The following PCSK9 variants were observed in gnomAD, a reference collection of about 807,000 sequenced individuals.
PCSK9 encodes convertase subtilisin/kexin type 9 preproprotein.
Under a neutral mutation model 62.1 loss-of-function variants are expected in PCSK9, and 57 were observed. The observed-to-expected ratio is 0.92, with a 90% CI of 0.74 to 1.14. The LOEUF is 1.14. PCSK9 is among the 50% of genes most tolerant of loss of function. The pLI, the probability that PCSK9 is intolerant of heterozygous loss-of-function variation, is 0.00. For synonymous variants in PCSK9, 387 were observed against 409.4 expected (o/e 0.95, Z 0.66); for missense variants, 870 against 959.8 (o/e 0.91, Z 1.24).
rs373295327 is a variant in PCSK9, at chr1:55,039,889, C to T, written c.52C>T (p.Leu18=). The T allele has an allele frequency of 4.5e-6, 7 of 1,563,884 alleles. No homozygotes were observed. The African/African-American group carries it at 8.1e-5, about 18-fold the overall frequency. ...RSWWPLPLLL[L]LLLLLGPAGA... is the part of the protein sequence containing the mutation. ...CTGGTGGCCGCTGCCACTGCTGCTGCTGCTGCTGCTGCTCCTGGGTCCCGC... is the reference window on the plus strand; with the variant it reads ...CTGGTGGCCGCTGCCACTGCTGCTGTTGCTGCTGCTGCTCCTGGGTCCCGC... The change falls in exon 1 of 12, where the codon CTG becomes TTG. Residue 18 remains leucine, a synonymous_variant. Transcript: ENST00000302118.
Position 55,059,505 on chromosome 1 carries a change from T to C in PCSK9, c.1523T>C (p.Val508Ala), listed in dbSNP as rs1362591620. 1 of 1,565,982 alleles carries C rather than the reference T, an allele frequency of 6.4e-7. No homozygotes were observed. Among genetic ancestry groups the C allele is most frequent in the Non-Finnish European group, 8.7e-7 (1 of 1,154,194 alleles). The change falls in exon 10 of 12, where the codon GTC (valine) becomes GCC (alanine). Residue 508 changes from valine to alanine, a missense_variant. By Grantham distance (64) the Val-to-Ala change is moderately conservative. Transcript: ENST00000302118. Reference sequence around the variant, plus strand: ...TCTAAGGCCCAAGGGGGCAAGCTGGTCTGCCGGGCCCACAACGCTTTTGGG... The same window carrying C: ...TCTAAGGCCCAAGGGGGCAAGCTGGCCTGCCGGGCCCACAACGCTTTTGGG... Reference protein sequence around the residue: ...ERMEAQGGKLVCRAHNAFGGE... With the variant: ...ERMEAQGGKLACRAHNAFGGE...
Position 55,047,984 on chromosome 1 carries a change from C to T in PCSK9, c.523+1338C>T, listed in dbSNP as rs1429223739. 2.0e-5 allele frequency among the ~76,000 whole-genome samples: 3 copies of T among 152,214 alleles called. No individual in the cohort carries two copies. The East Asian group carries it at 5.8e-4, about 29-fold the overall frequency. On this transcript the variant is annotated intron_variant, in intron 3 of 11. Transcript: ENST00000302118. ...GGACACTGGCAGAGGATCACAGAGA[C>T]CCCAGTCCAGGCAGGGACTGAGAAG...
At chr1:55,055,947 G>A in intron 5 of PCSK9, 46 bp from the exon 6 acceptor site, 1 of 1,531,236 alleles carries the variant, frequency 6.5e-7, no homozygotes, top group Non-Finnish European at 8.9e-7. Flanking sequence ...GCTGGGAAAG[G>A]GGAGCAGGTC....
Position 55,039,842 on chromosome 1 carries a change from G to A in PCSK9, c.5G>A (p.Gly2Asp), listed in dbSNP as rs1018576699. The A allele has an allele frequency of 2.6e-6, 4 of 1,565,888 alleles. No homozygotes were observed. The South Asian group carries it at 3.5e-5, about 14-fold the overall frequency. Residue 2 changes from glycine to aspartate, a missense_variant, in exon 1 of 12, where the codon GGC becomes GAC. Gly to Asp is a moderately conservative substitution (Grantham distance 94). Transcript: ENST00000302118. ...GCAACCTCTCCCCTGGCCCTCATGG[G>A]CACCGTCAGCTCCAGGCGGTCCTGG... is the stretch of plus-strand genomic sequence containing the variant. M[G>D]TVSSRRSWWP...
At chr1:55,053,401 T>G (rs1225361096) in intron 5 of PCSK9, among the ~76,000 whole-genome samples, 2 of 152,158 alleles carry the variant, frequency 1.3e-5, no homozygotes, top group Admixed American at 1.3e-4. Flanking sequence ...GGCCAGACAT[T>G]GAGCAAGGCC....
intron 11 of PCSK9, among the ~76,000 whole-genome samples, chr1:55,062,506 C>G (rs778837920): frequency 2.6e-5 from 4 of 152,260 alleles, no homozygotes; most frequent in Middle Eastern, 3.4e-3. Flanking sequence ...GAAAACAAAC[C>G]ATTAATATAG....
Position 55,039,712 on chromosome 1 carries a change from C to CA in PCSK9, c.-126_-125insA. 8.6e-7 allele frequency: 1 copy of CA among 1,168,950 alleles called. No individual in the cohort carries two copies. The allele number at this position is 1,168,950 out of a possible 1,614,324, so 72.4% of individuals were successfully genotyped here. The stretch of plus-strand genomic sequence containing the variant: ...CCAGGATTCCGCGCGCCCCTTCACG[C>CA]GCCCTGCTCCTGAACTTCAGCTCCT... On this transcript the variant is annotated 5_prime_UTR_variant, in exon 1 of 12. Transcript: ENST00000302118.
In PCSK9 at chr1:55,039,805, C is replaced by G. The variant is rs1392694863; in HGVS notation, c.-33C>G. The G allele has an allele frequency of 6.4e-7, 1 of 1,569,128 alleles. No individual in the cohort carries two copies. Among genetic ancestry groups the G allele is most frequent in the Non-Finnish European group, 8.6e-7 (1 of 1,158,176 alleles). The stretch of plus-strand genomic sequence containing the variant: ...GGACCGCGCACGGCCTCTAGGTCTC[C>G]TCGCCAGGACAGCAACCTCTCCCCT... On this transcript the variant is annotated 5_prime_UTR_variant, in exon 1 of 12. Coordinates refer to ENST00000302118, the MANE Select transcript of PCSK9 (RefSeq NM_174936.4).
chr1:55,050,589 TCAG>T (rs1310975985), intron 3 of PCSK9, among the ~76,000 whole-genome samples: 6 of 152,160 alleles, frequency 3.9e-5, no homozygotes, highest in Non-Finnish European at 8.8e-5. Context: ...ACGGGACTGA[TCAG>T]TGGAGCTTCC....
chr1:55,057,590 T>A, intron 7 of PCSK9, 76 bp downstream of exon 7: 1 of 1,502,352 alleles, frequency 6.7e-7, no homozygotes, highest in Non-Finnish European at 9.0e-7. Context: ...TGCCGGGACC[T>A]CCAGTGCCAG....
rs1644789187 is a variant in PCSK9, at chr1:55,064,720, C to T, written c.*1136C>T. ...CATTTATCTTTTGGGTCTGTCCTCTCTGTTGCCTTTTTACAGCCAACTTTT... is the reference window on the plus strand; with the variant it reads ...CATTTATCTTTTGGGTCTGTCCTCTTTGTTGCCTTTTTACAGCCAACTTTT... On this transcript the variant is annotated 3_prime_UTR_variant, in exon 12 of 12. Coordinates refer to ENST00000302118, the MANE Select transcript of PCSK9 (RefSeq NM_174936.4). The T allele has an allele frequency of 1.3e-5, 2 of 152,214 alleles. No homozygotes were observed. Among genetic ancestry groups the T allele is most frequent in the South Asian group, 2.1e-4 (1 of 4,828 alleles). The allele number at this position is 152,214 out of a possible 1,614,324, so 9.4% of individuals were successfully genotyped here.
chr1:55,058,160 A>T lies in PCSK9; in HGVS notation c.1305A>T (p.Val435=). 6.2e-7 allele frequency: 1 copy of T among 1,613,534 alleles called. No homozygotes were observed. Among genetic ancestry groups the T allele is most frequent in the South Asian group, 1.1e-5 (1 of 91,084 alleles). Residue 435 remains valine, a synonymous_variant, in exon 8 of 12, where the codon GTA becomes GTT. Coordinates refer to ENST00000302118, the MANE Select transcript of PCSK9 (RefSeq NM_174936.4). ...NEAWFPEDQR[V]LTPNLVAALP... is the part of the protein sequence containing the mutation. ...CCTGGTTCCCTGAGGACCAGCGGGT[A>T]CTGACCCCCAACCTGGTGGCCGCCC...
chr1:55,057,602 C>T, intron 7 of PCSK9, 88 bp downstream of exon 7: 1 of 1,457,888 alleles, frequency 6.9e-7, no homozygotes, highest in Non-Finnish European at 9.3e-7. Context: ...CAGTGCCAGG[C>T]TCTGTGCAGG....
rs549317206 is a variant in PCSK9 at position 55,063,674 on chromosome 1, C to G, written c.*90C>G. ...CCGACTTGTCCCTCTCTCAGCCCTCCATGGCCTGGCACGAGGGGATGGGGA... is the reference window on the plus strand; with the variant it reads ...CCGACTTGTCCCTCTCTCAGCCCTCGATGGCCTGGCACGAGGGGATGGGGA... On this transcript the variant is annotated 3_prime_UTR_variant, in exon 12 of 12. Coordinates refer to ENST00000302118, the MANE Select transcript of PCSK9 (RefSeq NM_174936.4). 80 of 1,397,602 alleles carry G rather than the reference C, an allele frequency of 5.7e-5. No individual in the cohort carries two copies. In the South Asian group the frequency reaches 9.9e-4, roughly 17 times the overall value. 86.6% of individuals were successfully genotyped at this position (1,397,602 alleles called of 1,614,324 possible).
chr1:55,042,440 A>G (rs1644604099), intron 1 of PCSK9, among the ~76,000 whole-genome samples: 1 of 152,196 alleles, frequency 6.6e-6, no homozygotes, highest in South Asian at 2.1e-4. Flanking sequence ...GCAGCTCCAG[A>G]TTCTTCCAAG....
At chr1:55,054,081 G>A (rs951451034) in intron 5 of PCSK9, among the ~76,000 whole-genome samples, 1 of 152,232 alleles carries the variant, frequency 6.6e-6, no homozygotes, top group African/African-American at 2.4e-5. Flanking sequence ...CACAGCAGGT[G>A]CTTAATAACT....
At chr1:55,058,395 G>A in intron 8 of PCSK9, 104 bp from the exon 9 acceptor site, 1 of 1,566,754 alleles carries the variant, frequency 6.4e-7, no homozygotes, top group Non-Finnish European at 8.8e-7. Context: ...AGAGACAGTT[G>A]AGTATGTTCT....
At chr1:55,042,315 GT>G (rs1242662557) in intron 1 of PCSK9, among the ~76,000 whole-genome samples, 7 of 152,094 alleles carry the variant, frequency 4.6e-5, no homozygotes, top group East Asian at 3.9e-4. Context: ...AAAACCAAAA[GT>G]TTTTTTTGTG....
chr1:55,060,852 AGT>A (rs959496790), intron 10 of PCSK9, among the ~76,000 whole-genome samples: 17 of 152,308 alleles, frequency 1.1e-4, no homozygotes, highest in Admixed American at 8.5e-4. Flanking sequence ...TCATCTTCAC[AGT>A]GTCCCTGTGA....
Sources: allele counts gnomAD v4.1 joint callset (sites outside exome capture counted in the v4.1 genomes callset), GRCh38; gene constraint gnomAD v4.1.1; transcripts MANE v1.5; gene names NCBI Gene and HGNC (gene_info 2026-07-23, HGNC 2026-07-21).